The following TOPBP1 variants were observed in gnomAD, a reference collection of about 807,000 sequenced individuals.
TOPBP1 encodes DNA topoisomerase II binding protein 1, also known as DNA topoisomerase 2-binding protein 1.
TOPBP1 carries 28 observed loss-of-function variants against 167.7 expected under a neutral mutation model. The observed-to-expected ratio is 0.17, with a 90% CI of 0.12 to 0.23. The LOEUF is 0.23. TOPBP1 is among the 10% of genes least tolerant of loss of function. The pLI, the probability that TOPBP1 is intolerant of heterozygous loss-of-function variation, is 1.00. For synonymous variants in TOPBP1, 598 were observed against 611.4 expected (o/e 0.98, Z 0.32); for missense variants, 1,554 against 1,809.6 (o/e 0.86, Z 2.56).
chr3:133,614,971 TATAATA>T (rs754288332), intron 23 of TOPBP1, among the ~76,000 whole-genome samples: 1 of 149,632 alleles, frequency 6.7e-6, no homozygotes, highest in African/African-American at 2.5e-5. Flanking sequence ...GAACTTAGAG[TATAATA>T]ATAATAATAA....
At chr3:133,661,196 T>A in intron 1 of TOPBP1, 62 bp from the exon 2 acceptor site, 1 of 1,261,718 alleles carries the variant, frequency 7.9e-7, no homozygotes, top group African/African-American at 1.5e-5. Flanking sequence ...GTTGCATGTT[T>A]AACCTACCTA....
chr3:133,637,002 CATAA>C lies in TOPBP1; in HGVS notation c.2520+870_2520+873del, dbSNP rs1276069803. The stretch of plus-strand genomic sequence containing the variant: ...CTGGAATTCTGACCAAAAATAAAGG[CATAA>C]ATTAGCTTGGGGAAAACTGTCCTGG... On this transcript the variant is annotated intron_variant, in intron 14 of 27. Transcript: ENST00000260810. 1.1e-4 allele frequency among the ~76,000 whole-genome samples: 17 copies of C among 152,100 alleles called. No individual in the cohort carries two copies. In the East Asian group the frequency reaches 3.3e-3, roughly 29 times the overall value.
At chr3:133,630,139 C>T (rs907231819) in intron 14 of TOPBP1, among the ~76,000 whole-genome samples, 2 of 151,922 alleles carry the variant, frequency 1.3e-5, no homozygotes, top group Admixed American at 6.6e-5. Flanking sequence ...CTATCCTTTG[C>T]CCATTTTTCT....
intron 10 of TOPBP1, among the ~76,000 whole-genome samples, 155 bp from the exon 11 acceptor site, chr3:133,644,518 G>A (rs759160886): frequency 9.2e-5 from 14 of 152,192 alleles, no homozygotes; most frequent in Non-Finnish European, 1.5e-4. Flanking sequence ...GATTCACCCC[G>A]TCTTCGGGGT....
chr3:133,604,587 G>A (rs370674503), intron 27 of TOPBP1, among the ~76,000 whole-genome samples: 1 of 151,864 alleles, frequency 6.6e-6, no homozygotes, highest in Non-Finnish European at 1.5e-5. Flanking sequence ...GAAAAGCGCT[G>A]TATCTAGTAA....
At chr3:133,648,837 G>C (rs117696257) in intron 10 of TOPBP1, among the ~76,000 whole-genome samples, 1 of 151,826 alleles carries the variant, frequency 6.6e-6, no homozygotes, top group Non-Finnish European at 1.5e-5. Flanking sequence ...TGTTTTATTC[G>C]AGGTAGATTA....
intron 14 of TOPBP1, among the ~76,000 whole-genome samples, chr3:133,630,068 G>A (rs1935417284): frequency 6.6e-6 from 1 of 152,098 alleles, no homozygotes; most frequent in Admixed American, 6.5e-5. Context: ...TAACAGGCGT[G>A]AGCCACCGCG....
intron 27 of TOPBP1, among the ~76,000 whole-genome samples, chr3:133,605,367 A>G (rs2107766712): frequency 6.6e-6 from 1 of 152,300 alleles, no homozygotes; most frequent in South Asian, 2.1e-4. Context: ...TGAGAATTAC[A>G]TACCAATATC....
intron 2 of TOPBP1, among the ~76,000 whole-genome samples, chr3:133,660,000 C>T (rs1936628748): frequency 1.3e-5 from 2 of 152,106 alleles, no homozygotes; most frequent in African/African-American, 2.4e-5. Flanking sequence ...CCTACATGAC[C>T]TCTTTACCAT....
rs1192030201 is a variant in TOPBP1 at position 133,623,151 on chromosome 3, C to T, written c.3118G>A (p.Ala1040Thr). Residue 1040 changes from alanine to threonine, a missense_variant, in exon 19 of 28, where the codon GCC becomes ACC. Around this residue, in one of 3 missense-constraint regions of TOPBP1, gnomAD observed 1,197 missense variants for 1,351.5 expected, o/e 0.89. Transcript: ENST00000260810. ...GGTGCTGACTCTTTATTATTGGTGGCCATATTGTCTACATCATTTTCTTCT... is the reference window on the plus strand; with the variant it reads ...GGTGCTGACTCTTTATTATTGGTGGTCATATTGTCTACATCATTTTCTTCT... The part of the protein sequence containing the change: ...ILEENDVDNM[A>T]TNNKESAPSN... 4.3e-6 allele frequency: 7 copies of T among 1,612,330 alleles called. No individual in the cohort carries two copies. The highest frequency in any genetic ancestry group is 5.9e-6 in the Non-Finnish European group (7 of 1,178,850).
chr3:133,641,080 C>CT (rs896168939), intron 12 of TOPBP1, among the ~76,000 whole-genome samples: 28 of 151,516 alleles, frequency 1.8e-4, no homozygotes, highest in African/African-American at 2.9e-4. Context: ...TTTCCTAGCA[C>CT]TTTTTTTTTC....
intron 17 of TOPBP1, 24 bp downstream of exon 17, chr3:133,624,027 TG>T (rs754682842): frequency 3.7e-5 from 59 of 1,601,878 alleles, no homozygotes; most frequent in African/African-American, 1.6e-4. Flanking sequence ...TTAACAGAGA[TG>T]GGGGGGAAAA....
At chr3:133,643,166 C>T (rs1245779390) in intron 12 of TOPBP1, 34 bp downstream of exon 12, 2 of 1,505,670 alleles carry the variant, frequency 1.3e-6, no homozygotes, top group East Asian at 2.4e-5. Flanking sequence ...AAAAGATACA[C>T]CAATACAACA....
Position 133,652,471 on chromosome 3 carries a change from C to A in TOPBP1, c.1081G>T (p.Gly361Cys). The A allele has an allele frequency of 6.2e-7, 1 of 1,611,582 alleles. No homozygotes were observed. The highest frequency in any genetic ancestry group is 8.5e-7 in the Non-Finnish European group (1 of 1,179,752). ...ATATAATAAAGACGTACCCGACAAC[C>A]ATCTAATAAATCTTCAGGTGCTTGA... Reference protein sequence around the residue: ...AFQAPEDLLDGCRIYLCGFSG... With the variant: ...AFQAPEDLLDCCRIYLCGFSG... The change falls in exon 8 of 28, where the codon GGT becomes TGT. Residue 361 changes from glycine (G) to cysteine (C), a missense_variant. Physicochemically the swap from Gly to Cys is radical, Grantham distance 159. Around this residue, in one of 3 missense-constraint regions of TOPBP1, gnomAD observed 1,197 missense variants for 1,351.5 expected, o/e 0.89. Coordinates refer to ENST00000260810, the MANE Select transcript of TOPBP1 (RefSeq NM_007027.4).
chr3:133,658,398 C>T (rs181552875), intron 3 of TOPBP1, among the ~76,000 whole-genome samples: 30 of 151,708 alleles, frequency 2.0e-4, no homozygotes, highest in Middle Eastern at 3.4e-3. Flanking sequence ...ACCCAGGAGG[C>T]GGAGGTTGCA....
rs1936368730 is a variant in TOPBP1, at chr3:133,653,437, T to C, written c.830A>G (p.Gln277Arg). Residue 277 changes from glutamine to arginine, a missense_variant, in exon 7 of 28, where the codon CAG (glutamine) becomes CGG (arginine). Gln to Arg is a conservative substitution (Grantham distance 43). This residue lies in a region of TOPBP1 where 1,197 missense variants were observed against 1,351.5 expected (regional missense o/e 0.89). Transcript: ENST00000260810. ...TTCTGTCTTGTATATGGATTCATCC[T>C]GACAAAAACCTTTCTCAATACTGTC... ...FFDSIEKGFC[Q>R]DESIYKTEPR... is the part of the protein sequence containing the mutation. 6.2e-7 allele frequency: 1 copy of C among 1,613,024 alleles called. No homozygotes were observed. The highest frequency in any genetic ancestry group is 8.5e-7 in the Non-Finnish European group (1 of 1,179,634).
intron 27 of TOPBP1, among the ~76,000 whole-genome samples, chr3:133,607,931 C>G (rs2107769292): frequency 6.6e-6 from 1 of 152,260 alleles, no homozygotes. Context: ...GAGTGTTGGC[C>G]TCCCCTTATT....
At position 133,653,628 on chromosome 3, in the gene TOPBP1, T is replaced by TC. The variant is rs1207119491; in HGVS notation, c.743-105_743-104insG. On this transcript the variant is annotated intron_variant, in intron 6 of 27. Transcript: ENST00000260810. ...AAATATTCAAATTATAACAGGTTAATATTTTTTTTTTTTTTTTGAGATGGA... is the reference window on the plus strand; with the variant it reads ...AAATATTCAAATTATAACAGGTTAATCATTTTTTTTTTTTTTTTGAGATGGA... 43 of 1,027,062 alleles carry TC rather than the reference T, an allele frequency of 4.2e-5. No homozygotes were observed. In the African/African-American group the frequency reaches 6.4e-4, roughly 15 times the overall value. 63.6% of individuals were successfully genotyped at this position (1,027,062 alleles called of 1,614,324 possible).
chr3:133,620,576 C>CTTT lies in TOPBP1; in HGVS notation c.3179-232_3179-230dup, dbSNP rs532343890. 1.2e-3 allele frequency among the ~76,000 whole-genome samples: 166 copies of CTTT among 135,056 alleles called. 3 individuals are homozygous for CTTT. Among genetic ancestry groups the CTTT allele is most frequent in the African/African-American group, 1.9e-3 (71 of 36,736 alleles). 88.6% of individuals were successfully genotyped at this position (135,056 alleles called of 152,430 possible). A position where few individuals can be genotyped will look rare whatever the true frequency, so the allele number is the denominator to read the frequency against. ...AAATAACTAGGAAGCCCTTCAAATA[C>CTTT]TTTTTTTTTTTTTTTTTTGGTGATA... On this transcript the variant is annotated intron_variant, in intron 19 of 27. Coordinates refer to ENST00000260810, the MANE Select transcript of TOPBP1 (RefSeq NM_007027.4).
Sources: gnomAD v4.1 joint callset for allele counts (sites outside exome capture counted in the v4.1 genomes callset) on GRCh38, gnomAD v4.1.1 for gene constraint, gnomAD v4.1.1 regional missense constraint, MANE v1.5 for transcripts, NCBI Gene and HGNC (gene_info 2026-07-23, HGNC 2026-07-21) for gene names.